Variants in LUZP2 observed in about 807,000 individuals in gnomAD.
LUZP2 encodes the protein leucine zipper protein 2.
LUZP2 carries 52 observed loss-of-function variants against 51.6 expected under a neutral mutation model. The observed-to-expected ratio is 1.01, with a 90% CI of 0.81 to 1.27. LUZP2 has a LOEUF of 1.27. Among genes scored for constraint, LUZP2 ranks in the 50% most tolerant of loss-of-function variants. LUZP2 has a pLI of 0.00. For synonymous variants in LUZP2, 154 were observed against 137.3 expected (o/e 1.12, Z -0.85); for missense variants, 436 against 395.4 (o/e 1.10, Z -0.87).
intron 10 of LUZP2, among the ~76,000 whole-genome samples, chr11:25,068,890 T>A (rs549375155): frequency 6.6e-6 from 1 of 152,118 alleles, no homozygotes; most frequent in African/African-American, 2.4e-5. Context: ...TTACTTCTGC[T>A]TTTTTGTCCT....
chr11:24,842,799 A>C (rs1396021807), intron 5 of LUZP2, among the ~76,000 whole-genome samples: 4 of 151,924 alleles, frequency 2.6e-5, no homozygotes, highest in African/African-American at 9.7e-5. Flanking sequence ...AATTCAGTGG[A>C]AAAGTAAATT....
chr11:24,718,322 G>A (rs1179648370), intron 1 of LUZP2, among the ~76,000 whole-genome samples: 3 of 152,250 alleles, frequency 2.0e-5, no homozygotes, highest in East Asian at 3.9e-4. Context: ...CTGAGAGAAG[G>A]TGAGAAGCTA....
intron 6 of LUZP2, among the ~76,000 whole-genome samples, chr11:24,907,355 C>T (rs901573126): frequency 1.3e-5 from 2 of 149,604 alleles, no homozygotes; most frequent in African/African-American, 4.9e-5. Flanking sequence ...TGTAACAATC[C>T]ATTTTATAAT....
At chr11:24,852,591 G>T (rs1364900833) in intron 5 of LUZP2, among the ~76,000 whole-genome samples, 1 of 148,736 alleles carries the variant, frequency 6.7e-6, no homozygotes, top group African/African-American at 2.5e-5. Context: ...TTGAGTTGGG[G>T]TGGAGAATTT....
chr11:24,808,534 T>C (rs1005334232), intron 5 of LUZP2, among the ~76,000 whole-genome samples: 1 of 152,194 alleles, frequency 6.6e-6, no homozygotes, highest in African/African-American at 2.4e-5. Flanking sequence ...TTCTCCAATA[T>C]AGATAAACTA....
intron 4 of LUZP2, among the ~76,000 whole-genome samples, chr11:24,743,471 C>G (rs1258509931): frequency 1.3e-5 from 2 of 151,892 alleles, no homozygotes; most frequent in African/African-American, 2.4e-5. Flanking sequence ...GGGTTGAATC[C>G]TTGATTTGAT....
intron 9 of LUZP2, among the ~76,000 whole-genome samples, chr11:25,011,853 C>T (rs934501603): frequency 2.0e-5 from 3 of 151,766 alleles, no homozygotes; most frequent in East Asian, 3.9e-4. Flanking sequence ...TTCAAGTTCT[C>T]TTTTCTAGAG....
At chr11:24,638,114 C>A (rs1037678554) in intron 1 of LUZP2, among the ~76,000 whole-genome samples, 14 of 151,692 alleles carry the variant, frequency 9.2e-5, no homozygotes, top group African/African-American at 3.4e-4. Flanking sequence ...GGGCTGGTTC[C>A]CTGATATAAA....
chr11:25,023,170 A>G (rs1857389239), intron 9 of LUZP2, among the ~76,000 whole-genome samples: 1 of 152,128 alleles, frequency 6.6e-6, no homozygotes, highest in Admixed American at 6.6e-5. Flanking sequence ...TCATAAAATG[A>G]GTTAAGAGGA....
chr11:25,059,654 A>G lies in LUZP2; in HGVS notation c.858+9524A>G, dbSNP rs144615622. Reference sequence around the variant, plus strand: ...AAAAAAGAATAAAAGGCATCCTTCAAGGTAAAAGTTACTCAAGGCAGGATG... The same window carrying G: ...AAAAAAGAATAAAAGGCATCCTTCAGGGTAAAAGTTACTCAAGGCAGGATG... On this transcript the variant is annotated intron_variant, in intron 10 of 11. Transcript: ENST00000336930. Among the ~76,000 whole-genome samples, 15 of 152,272 alleles carry G rather than the reference A, an allele frequency of 9.9e-5. No individual in the cohort carries two copies. The East Asian group carries it at 2.7e-3, about 28-fold the overall frequency.
At chr11:24,935,253 A>C (rs1854557608) in intron 7 of LUZP2, among the ~76,000 whole-genome samples, 1 of 152,150 alleles carries the variant, frequency 6.6e-6, no homozygotes, top group Non-Finnish European at 1.5e-5. Context: ...TGCTAAGTAG[A>C]GTTGATCTGC....
At chr11:24,758,695 G>A (rs1270063399) in intron 4 of LUZP2, among the ~76,000 whole-genome samples, 3 of 152,018 alleles carry the variant, frequency 2.0e-5, no homozygotes, top group Non-Finnish European at 4.4e-5. Flanking sequence ...GAGAAATATT[G>A]TGCTATTTTA....
At chr11:24,960,635 C>CT in intron 7 of LUZP2, among the ~76,000 whole-genome samples, 1 of 152,150 alleles carries the variant, frequency 6.6e-6, no homozygotes, top group Middle Eastern at 3.4e-3. Context: ...ATTCTTCTCT[C>CT]TTTTTTTCTT....
At chr11:25,036,734 A>G (rs191796433) in intron 9 of LUZP2, among the ~76,000 whole-genome samples, 45 of 152,160 alleles carry the variant, frequency 3.0e-4, no homozygotes, top group East Asian at 2.3e-3. Context: ...TCAGGTGTTA[A>G]TCAGGAGTAC....
chr11:24,616,991 C>T (rs962809959), intron 1 of LUZP2, among the ~76,000 whole-genome samples: 6 of 152,032 alleles, frequency 3.9e-5, no homozygotes, highest in Non-Finnish European at 2.9e-5. Flanking sequence ...GGTAAAATGT[C>T]GTATAAACAT....
At chr11:24,519,150 T>A (rs528834396) in intron 1 of LUZP2, among the ~76,000 whole-genome samples, 2 of 152,304 alleles carry the variant, frequency 1.3e-5, no homozygotes, top group Non-Finnish European at 2.9e-5. Flanking sequence ...CTCTTTCACG[T>A]TTACAGTTTC....
chr11:24,764,526 A>C (rs1481712822), intron 5 of LUZP2, among the ~76,000 whole-genome samples: 1 of 144,454 alleles, frequency 6.9e-6, no homozygotes, highest in Non-Finnish European at 1.5e-5. Context: ...ATTAGCTGGG[A>C]GTGGTGGCTC....
At chr11:24,878,747 C>T (rs1852358765) in intron 5 of LUZP2, among the ~76,000 whole-genome samples, 1 of 151,384 alleles carries the variant, frequency 6.6e-6, no homozygotes, top group Non-Finnish European at 1.5e-5. Flanking sequence ...ACTTATTGAC[C>T]CGTCCTCTAT....
chr11:24,896,952 G>A (rs1853084245), intron 5 of LUZP2, among the ~76,000 whole-genome samples: 1 of 152,150 alleles, frequency 6.6e-6, no homozygotes, highest in African/African-American at 2.4e-5. Context: ...AGCACTCTGT[G>A]TCTAGCTCAA....
Sources: gnomAD v4.1 joint callset for allele counts (sites outside exome capture counted in the v4.1 genomes callset) on GRCh38, gnomAD v4.1.1 for gene constraint, MANE v1.5 for transcripts, NCBI Gene and HGNC (gene_info 2026-07-23, HGNC 2026-07-21) for gene names.